Variants in INSC observed in about 807,000 individuals in gnomAD.
The protein encoded by INSC is protein inscuteable homolog.
Under a neutral mutation model 58.6 loss-of-function variants are expected in INSC, and 67 were observed. The ratio of observed to expected loss-of-function variants is 1.14; its 90% CI spans 0.94 to 1.40. The LOEUF (loss-of-function observed/expected upper bound fraction) is 1.40. Ranked by LOEUF, INSC falls within the 40% of genes most tolerant of loss-of-function variation. The pLI, the probability that INSC is intolerant of heterozygous loss-of-function variation, is 0.00. For missense variants in INSC, 714 were observed against 692.0 expected (o/e 1.03, Z -0.36); for synonymous variants, 262 against 276.1 (o/e 0.95, Z 0.51).
chr11:15,239,112 G>C (rs200748540), intron 11 of INSC, 38 bp downstream of exon 11: 10 of 1,583,480 alleles, frequency 6.3e-6, no homozygotes, highest in Non-Finnish European at 7.7e-6. Context: ...GAGTGGAGTG[G>C]GGGTATTGGG....
At position 15,128,926 on chromosome 11, in the gene INSC, CT is replaced by C. The variant is rs576227880; in HGVS notation, c.-46+13929del. Among the ~76,000 whole-genome samples, 310 of 152,254 alleles carry C rather than the reference CT, an allele frequency of 2.0e-3. 4 individuals are homozygous for C. Among genetic ancestry groups the C allele is most frequent in the African/African-American group, 7.2e-3 (298 of 41,542 alleles). On this transcript the variant is annotated intron_variant, in intron 1 of 12. Coordinates refer to ENST00000379556, the MANE Select transcript of INSC (RefSeq NM_001042536.3). ...ACCTTCCCTTCTTCATTTTAAGAAG[CT>C]TTTTTATCTGCTTGGTCCTGGAGCT...
chr11:15,213,648 C>T (rs1851109113), intron 7 of INSC, among the ~76,000 whole-genome samples: 1 of 152,144 alleles, frequency 6.6e-6, no homozygotes, highest in African/African-American at 2.4e-5. Context: ...AATTGCTTTC[C>T]ACCTTAATTA....
chr11:15,140,770 A>C (rs2133725652), intron 1 of INSC, among the ~76,000 whole-genome samples: 1 of 151,460 alleles, frequency 6.6e-6, no homozygotes, highest in South Asian at 2.1e-4. Flanking sequence ...TTTTTTGTAG[A>C]GATGGGGTCT....
At chr11:15,183,812 A>G (rs1411615549) in intron 5 of INSC, among the ~76,000 whole-genome samples, 1 of 152,228 alleles carries the variant, frequency 6.6e-6, no homozygotes, top group East Asian at 1.9e-4. Context: ...GATAAAATAC[A>G]GATACAGGTT....
rs150986609 is a variant in INSC, at chr11:15,173,613, T to A, written c.57-2128T>A. 3.1e-3 allele frequency among the ~76,000 whole-genome samples: 470 copies of A among 152,272 alleles called. 4 individuals are homozygous for A. The highest frequency in any genetic ancestry group is 0.011 in the African/African-American group (455 of 41,548). On this transcript the variant is annotated intron_variant, in intron 2 of 12. Coordinates refer to ENST00000379556, the MANE Select transcript of INSC (RefSeq NM_001042536.3). ...CTCTCTCTGTGTGTCTGTATACATA[T>A]ACATATATGTATGTGTTCACATACA...
intron 9 of INSC, among the ~76,000 whole-genome samples, chr11:15,233,696 C>CCTT (rs770033653): frequency 1.3e-4 from 20 of 151,556 alleles, no homozygotes; most frequent in East Asian, 3.9e-4. Flanking sequence ...CCTAGTTTGT[C>CCTT]CTTCCTTCCT....
At chr11:15,252,276 G>A in the INSC span, among the ~76,000 whole-genome samples, 1 of 152,194 alleles carries the variant, frequency 6.6e-6, no homozygotes, top group Non-Finnish European at 1.5e-5. Context: ...TTTTTGGTGT[G>A]ATGAAAATTA....
chr11:15,240,717 G>GA (rs1170987090), intron 12 of INSC, among the ~76,000 whole-genome samples, 194 bp downstream of exon 12: 1 of 152,132 alleles, frequency 6.6e-6, no homozygotes, highest in Non-Finnish European at 1.5e-5. Context: ...AAAATTATAT[G>GA]AGGTCATATG....
At chr11:15,145,804 G>A (rs143258084) in intron 1 of INSC, among the ~76,000 whole-genome samples, 336 of 152,332 alleles carry the variant, frequency 2.2e-3, no homozygotes, top group African/African-American at 7.6e-3. Context: ...AAGATTTACA[G>A]TCAAGGAAGT....
Position 15,225,824 on chromosome 11 carries a change from A to G in INSC, c.1166A>G (p.Asp389Gly). Reference sequence around the variant, plus strand: ...AGAGTGGACACGCCTTACACTCGGGACCAGGTAAGACGCCCAGAAGGCACT... The same window carrying G: ...AGAGTGGACACGCCTTACACTCGGGGCCAGGTAAGACGCCCAGAAGGCACT... ...KQRVDTPYTR[D>G]QIVTILANMS... Residue 389 changes from aspartate (D) to glycine (G), a missense_variant, in exon 9 of 13, where the codon GAC (aspartate) becomes GGC (glycine). Transcript: ENST00000379556. The G allele has an allele frequency of 6.2e-7, 1 of 1,611,556 alleles. No homozygotes were observed. Among genetic ancestry groups the G allele is most frequent in the Non-Finnish European group, 8.5e-7 (1 of 1,178,870 alleles).
chr11:15,240,545 A>G, intron 12 of INSC, 22 bp downstream of exon 12: 1 of 1,606,394 alleles, frequency 6.2e-7, no homozygotes. Context: ...GTCTTCCCCC[A>G]GCTTTTCCCC....
intron 8 of INSC, among the ~76,000 whole-genome samples, chr11:15,225,321 T>C (rs544681801): frequency 6.6e-6 from 1 of 152,332 alleles, no homozygotes; most frequent in Admixed American, 6.5e-5. Context: ...TGCCCACTAG[T>C]AAAGTGTGAG....
At chr11:15,185,683 C>A (rs1326177701) in intron 5 of INSC, among the ~76,000 whole-genome samples, 2 of 151,836 alleles carry the variant, frequency 1.3e-5, no homozygotes, top group Non-Finnish European at 2.9e-5. Flanking sequence ...ATGAATGATG[C>A]AGAATGTTAA....
At chr11:15,268,906 T>C in the INSC span, among the ~76,000 whole-genome samples, 2 of 152,134 alleles carry the variant, frequency 1.3e-5, no homozygotes, top group South Asian at 2.1e-4. Context: ...GAAAAAATGC[T>C]GTTTGAAAGT....
upstream of INSC, among the ~76,000 whole-genome samples, chr11:15,114,393 C>T (rs556612340): frequency 5.0e-4 from 76 of 152,248 alleles, no homozygotes; most frequent in African/African-American, 1.8e-3. Context: ...GAAGCACCTG[C>T]GGTGAATAAA....
intron 2 of INSC, among the ~76,000 whole-genome samples, chr11:15,166,664 C>T (rs141854882): frequency 2.8e-4 from 42 of 152,272 alleles, no homozygotes; most frequent in Non-Finnish European, 4.6e-4. Context: ...GCAAGGCATA[C>T]TATGCATGTC....
intron 1 of INSC, among the ~76,000 whole-genome samples, chr11:15,126,790 T>C (rs549464652): frequency 2.6e-5 from 4 of 152,338 alleles, no homozygotes; most frequent in African/African-American, 9.6e-5. Context: ...ACAGAACAGA[T>C]GCTCTACCTG....
chr11:15,151,229 G>A (rs1002740517), intron 2 of INSC, among the ~76,000 whole-genome samples: 2 of 152,094 alleles, frequency 1.3e-5, no homozygotes, highest in Admixed American at 6.5e-5. Context: ...ATAGGAGCGC[G>A]AACCCTACTG....
At chr11:15,124,909 G>T (rs1267946483) in intron 1 of INSC, among the ~76,000 whole-genome samples, 1 of 152,090 alleles carries the variant, frequency 6.6e-6, no homozygotes, top group African/African-American at 2.4e-5. Flanking sequence ...TATCTACTTA[G>T]CACCTACCTA....
Sources: allele counts gnomAD v4.1 joint callset (sites outside exome capture counted in the v4.1 genomes callset), GRCh38; gene constraint gnomAD v4.1.1; transcripts MANE v1.5; gene names NCBI Gene and HGNC (gene_info 2026-07-23, HGNC 2026-07-21).